The following DMTF1 variants were observed in gnomAD, a reference collection of about 807,000 sequenced individuals.
DMTF1 encodes cyclin-D-binding Myb-like transcription factor 1.
Under a neutral mutation model 91.1 loss-of-function variants are expected in DMTF1, and 39 were observed. The ratio of observed to expected loss-of-function variants is 0.43; its 90% CI spans 0.33 to 0.56. DMTF1 has a LOEUF of 0.56. DMTF1 is among the 20% of genes least tolerant of loss of function. The pLI, the probability that DMTF1 is intolerant of heterozygous loss-of-function variation, is 0.05. For missense variants in DMTF1, 750 were observed against 914.5 expected (o/e 0.82, Z 2.32); for synonymous variants, 338 against 309.5 (o/e 1.09, Z -0.97).
chr7:87,191,524 A>G (rs1046527730), intron 14 of DMTF1, among the ~76,000 whole-genome samples: 1 of 152,154 alleles, frequency 6.6e-6, no homozygotes, highest in Non-Finnish European at 1.5e-5. Context: ...TTGTACATGA[A>G]TGTTCATGGC....
intron 12 of DMTF1, 87 bp from the exon 13 acceptor site, chr7:87,188,005 C>T (rs1798847883): frequency 3.0e-6 from 3 of 1,013,274 alleles, no homozygotes; most frequent in Middle Eastern, 2.7e-4. Flanking sequence ...AATACTTTCC[C>T]TCCTTACCTC....
In DMTF1 at chr7:87,184,554, C is replaced by T; in HGVS notation, c.978C>T (p.Leu326=). Residue 326 remains leucine (L), a synonymous_variant, in exon 11 of 18, where the codon CTC becomes CTT. Transcript: ENST00000331242. The stretch of plus-strand genomic sequence containing the variant: ...AAAAGCAATGTCGTTCTAAATGGCT[C>T]AACTACCTGAATTGGAAACAGAGTG... ...RSEKQCRSKW[L]NYLNWKQSGG... 1.2e-6 allele frequency: 2 copies of T among 1,613,994 alleles called. No homozygotes were observed. Among genetic ancestry groups the T allele is most frequent in the East Asian group, 2.2e-5 (1 of 44,860 alleles).
At chr7:87,158,400 A>T (rs1221855307) in intron 1 of DMTF1, among the ~76,000 whole-genome samples, 1 of 152,098 alleles carries the variant, frequency 6.6e-6, no homozygotes, top group Non-Finnish European at 1.5e-5. Flanking sequence ...AATGGCATCT[A>T]ACAAAATCTA....
intron 1 of DMTF1, among the ~76,000 whole-genome samples, chr7:87,155,888 T>C (rs1448204256): frequency 1.3e-5 from 2 of 152,188 alleles, no homozygotes; most frequent in Non-Finnish European, 2.9e-5. Flanking sequence ...ATTTTGATTA[T>C]GTACACTGTT....
intron 2 of DMTF1, 58 bp downstream of exon 2, chr7:87,163,675 T>G (rs998426904): frequency 2.0e-5 from 3 of 152,242 alleles, no homozygotes; most frequent in African/African-American, 7.2e-5. Flanking sequence ...CAAAACTAGA[T>G]CATGATTTCC....
chr7:87,174,497 A>AT (rs1795824770), intron 6 of DMTF1, 96 bp from the exon 7 acceptor site: 1 of 793,352 alleles, frequency 1.3e-6, no homozygotes, highest in Non-Finnish European at 2.0e-6. Context: ...GCTAAATTTT[A>AT]TCCCCAAATA....
At position 87,195,021 on chromosome 7, in the gene DMTF1, C is replaced by T. The variant is rs1267964889; in HGVS notation, c.2174-10C>T. 1.3e-6 allele frequency: 2 copies of T among 1,596,530 alleles called. No homozygotes were observed. Among genetic ancestry groups the T allele is most frequent in the Non-Finnish European group, 1.7e-6 (2 of 1,166,596 alleles). On this transcript the variant is annotated splice_polypyrimidine_tract_variant and intron_variant, in intron 17 of 17. Transcript: ENST00000331242. ...ATATACATTTAAGACTAACTTGAAA[C>T]TCATTACAGATCCCATACTCCAACA...
chr7:87,195,680 C>G lies in DMTF1; in HGVS notation c.*540C>G, dbSNP rs1455107171. ...GGTGGTACATTTGGTTAACCCATTG[C>G]TGGCAGTGGGAGCTGATTTAGGCAG... On this transcript the variant is annotated 3_prime_UTR_variant, in exon 18 of 18. Transcript: ENST00000331242. The G allele has an allele frequency of 6.6e-6, 1 of 152,530 alleles. No individual in the cohort carries two copies. Among genetic ancestry groups the G allele is most frequent in the Non-Finnish European group, 1.5e-5 (1 of 68,044 alleles). The allele number at this position is 152,530 out of a possible 1,614,324, so 9.4% of individuals were successfully genotyped here. A position where few individuals can be genotyped will look rare whatever the true frequency, so the allele number is the denominator to read the frequency against.
At chr7:87,194,661 A>AT (rs529199076) in intron 16 of DMTF1, 23 bp from the exon 17 acceptor site, 11,472 of 1,296,348 alleles carry the variant, frequency 8.8e-3, no homozygotes, top group East Asian at 0.011. Flanking sequence ...ATGAGTCAAT[A>AT]TTTTTTTTTT....
intron 15 of DMTF1, 130 bp from the exon 16 acceptor site, chr7:87,193,595 A>C: frequency 1.0e-6 from 1 of 971,394 alleles, no homozygotes; most frequent in Non-Finnish European, 1.5e-6. Flanking sequence ...AGTAAAGGAC[A>C]AGGGTTCTAG....
At chr7:87,177,306 TTTA>T (rs1173190606) in intron 7 of DMTF1, among the ~76,000 whole-genome samples, 2 of 152,142 alleles carry the variant, frequency 1.3e-5, no homozygotes, top group African/African-American at 2.4e-5. Flanking sequence ...TTTTTAGTTT[TTTA>T]TTATTCATTT....
chr7:87,193,004 C>T, intron 14 of DMTF1, 194 bp from the exon 15 acceptor site: 1 of 581,564 alleles, frequency 1.7e-6, no homozygotes. Flanking sequence ...CATAGAAATA[C>T]ACAGGAGCAA....
chr7:87,154,472 G>C (rs1437914643), intron 1 of DMTF1: 1 of 152,658 alleles, frequency 6.6e-6, no homozygotes, highest in Non-Finnish European at 1.5e-5. Flanking sequence ...ATTGGTTGCA[G>C]TTGAGCTAAT....
intron 15 of DMTF1, 172 bp from the exon 16 acceptor site, chr7:87,193,548 TTAGAA>T (rs1000169029): frequency 7.5e-6 from 6 of 802,036 alleles, no homozygotes; most frequent in African/African-American, 7.0e-5. Flanking sequence ...TGGCTATACA[TTAGAA>T]TAGGGACATT....
intron 10 of DMTF1, among the ~76,000 whole-genome samples, chr7:87,183,614 T>C (rs1449863074): frequency 6.6e-6 from 1 of 152,218 alleles, no homozygotes; most frequent in Non-Finnish European, 1.5e-5. Flanking sequence ...GCTAGATGAA[T>C]GGAATCCCAA....
intron 8 of DMTF1, among the ~76,000 whole-genome samples, chr7:87,180,053 T>C (rs961061653): frequency 1.3e-5 from 2 of 152,224 alleles, no homozygotes; most frequent in East Asian, 1.9e-4. Flanking sequence ...TTTTAGAATA[T>C]AGCATTCCTA....
chr7:87,184,446 G>A lies in DMTF1; in HGVS notation c.870G>A (p.Glu290=). Residue 290 remains glutamate, a synonymous_variant, in exon 11 of 18, where the codon GAG becomes GAA. Coordinates refer to ENST00000331242, the MANE Select transcript of DMTF1 (RefSeq NM_001142327.2). The stretch of plus-strand genomic sequence containing the variant: ...AGAGACTTGCAGAAGTGGTTCATGA[G>A]TTGACAAGCACTGAGCCAGGTGACA... ...EEKRLAEVVH[E]LTSTEPGDIV... The A allele has an allele frequency of 3.1e-6, 5 of 1,613,988 alleles. No individual in the cohort carries two copies. Among genetic ancestry groups the A allele is most frequent in the Non-Finnish European group, 4.2e-6 (5 of 1,179,940 alleles).
intron 13 of DMTF1, among the ~76,000 whole-genome samples, chr7:87,190,593 T>A (rs866186436): frequency 6.6e-6 from 1 of 152,210 alleles, no homozygotes; most frequent in Middle Eastern, 3.4e-3. Flanking sequence ...TTAGGCTTTA[T>A]GGGCCTTCTG....
chr7:87,190,304 TA>T (rs542481014), intron 13 of DMTF1, among the ~76,000 whole-genome samples: 70 of 146,132 alleles, frequency 4.8e-4, no homozygotes, highest in South Asian at 1.9e-3. Flanking sequence ...GCAGGACAGG[TA>T]AAAAAAAAAA....
Sources: gnomAD v4.1 joint callset for allele counts (sites outside exome capture counted in the v4.1 genomes callset) on GRCh38, gnomAD v4.1.1 for gene constraint, MANE v1.5 for transcripts, NCBI Gene and HGNC (gene_info 2026-07-23, HGNC 2026-07-21) for gene names.